BRINP3: variants seen among roughly 807,000 people sequenced by gnomAD.
The protein encoded by BRINP3 is BMP/retinoic acid-inducible neural-specific protein 3.
A neutral mutation model predicts 71.0 loss-of-function variants in BRINP3; 19 were observed. The ratio of observed to expected loss-of-function variants is 0.27; its 90% CI spans 0.19 to 0.39. The LOEUF is 0.39. BRINP3 is among the 10% of genes least tolerant of loss of function. The pLI is 1.00. For missense variants in BRINP3, 959 were observed against 940.8 expected (o/e 1.02, Z -0.25); for synonymous variants, 380 against 337.7 (o/e 1.13, Z -1.37).
chr1:190,380,200 G>A (rs141973134), intron 2 of BRINP3, among the ~76,000 whole-genome samples: 6 of 152,082 alleles, frequency 3.9e-5, no homozygotes, highest in Non-Finnish European at 7.4e-5. Flanking sequence ...TGAGGACGGA[G>A]CAAAATGTAT....
chr1:190,424,353 T>C (rs1246060550), intron 2 of BRINP3, among the ~76,000 whole-genome samples: 1 of 151,538 alleles, frequency 6.6e-6, no homozygotes, highest in Non-Finnish European at 1.5e-5. Context: ...TCTAGGCCCA[T>C]TAAGAGATGT....
intron 6 of BRINP3, among the ~76,000 whole-genome samples, chr1:190,223,848 A>G (rs1657097470): frequency 6.6e-6 from 1 of 151,934 alleles, no homozygotes; most frequent in Non-Finnish European, 1.5e-5. Context: ...AACTACAGAA[A>G]TCAACAAATA....
chr1:190,320,403 T>C (rs1428747761), intron 2 of BRINP3, among the ~76,000 whole-genome samples: 1 of 152,142 alleles, frequency 6.6e-6, no homozygotes, highest in Non-Finnish European at 1.5e-5. Context: ...ACTACACAGT[T>C]CAAAAGCAAA....
intron 1 of BRINP3, among the ~76,000 whole-genome samples, chr1:190,471,414 TTTG>T (rs543294648): frequency 9.0e-4 from 137 of 151,438 alleles, no homozygotes; most frequent in Middle Eastern, 6.8e-3. Flanking sequence ...ACATAGATTA[TTTG>T]TTATTTTGCT....
intron 2 of BRINP3, among the ~76,000 whole-genome samples, chr1:190,385,969 A>G (rs1420459292): frequency 6.7e-5 from 10 of 148,170 alleles, no homozygotes; most frequent in African/African-American, 7.5e-5. Context: ...TTCTCAGTAA[A>G]CTATCGCAAG....
At chr1:190,419,388 T>C (rs1457017762) in intron 2 of BRINP3, among the ~76,000 whole-genome samples, 1 of 152,098 alleles carries the variant, frequency 6.6e-6, no homozygotes, top group East Asian at 1.9e-4. Context: ...ATTTTAAGTT[T>C]AAATTATTGG....
intron 1 of BRINP3, among the ~76,000 whole-genome samples, chr1:190,463,567 T>C (rs1486170331): frequency 6.6e-6 from 1 of 151,446 alleles, no homozygotes; most frequent in Non-Finnish European, 1.5e-5. Flanking sequence ...TATTCAAACA[T>C]AAATAAATAA....
chr1:190,393,537 G>A (rs1671385581), intron 2 of BRINP3, among the ~76,000 whole-genome samples: 1 of 151,476 alleles, frequency 6.6e-6, no homozygotes, highest in South Asian at 2.1e-4. Flanking sequence ...ACGGTGAATG[G>A]AAATCAGCAG....
chr1:190,205,715 C>A lies in BRINP3; in HGVS notation c.961+20367G>T, dbSNP rs972622345. Among the ~76,000 whole-genome samples, 17 of 151,924 alleles carry A rather than the reference C, an allele frequency of 1.1e-4. 1 individual carries two copies. On this transcript the variant is annotated intron_variant, in intron 6 of 7. Coordinates refer to ENST00000367462, the MANE Select transcript of BRINP3 (RefSeq NM_199051.3). The stretch of plus-strand genomic sequence containing the variant: ...CCAGGCCTACACTCAGAAGAAGGTA[C>A]AAGAAAATGATACAAAAGGCCAAGA...
intron 2 of BRINP3, among the ~76,000 whole-genome samples, chr1:190,378,633 T>C (rs1006493692): frequency 6.6e-6 from 1 of 152,226 alleles, no homozygotes; most frequent in Non-Finnish European, 1.5e-5. Flanking sequence ...TTTAAAATCA[T>C]TTTCTCTTTT....
intron 7 of BRINP3, among the ~76,000 whole-genome samples, chr1:190,139,813 T>C (rs930547481): frequency 3.3e-5 from 5 of 152,196 alleles, no homozygotes; most frequent in African/African-American, 7.2e-5. Context: ...TTTCTCATGT[T>C]TGTAGGCCCA....
At chr1:190,420,390 G>C (rs770168372) in intron 2 of BRINP3, among the ~76,000 whole-genome samples, 3 of 151,896 alleles carry the variant, frequency 2.0e-5, no homozygotes, top group Non-Finnish European at 4.4e-5. Context: ...GAAAAGATTT[G>C]GTTCAGGAAG....
chr1:190,120,880 C>G (rs1253141999), intron 7 of BRINP3, among the ~76,000 whole-genome samples: 1 of 151,908 alleles, frequency 6.6e-6, no homozygotes, highest in Non-Finnish European at 1.5e-5. Context: ...TTTAAACATA[C>G]GATTTGAATT....
At chr1:190,105,196 C>T (rs1652047539) in intron 7 of BRINP3, among the ~76,000 whole-genome samples, 1 of 151,996 alleles carries the variant, frequency 6.6e-6, no homozygotes. Flanking sequence ...TCCTGACACA[C>T]AACAGTTTCA....
intron 2 of BRINP3, among the ~76,000 whole-genome samples, chr1:190,299,854 T>C (rs557768871): frequency 1.3e-5 from 2 of 152,072 alleles, no homozygotes; most frequent in African/African-American, 4.8e-5. Context: ...AAAATTCTTT[T>C]CTTTAAGAAT....
chr1:190,447,389 T>C (rs1675295325), intron 2 of BRINP3, among the ~76,000 whole-genome samples: 1 of 147,438 alleles, frequency 6.8e-6, no homozygotes, highest in Non-Finnish European at 1.5e-5. Flanking sequence ...TATTATACAC[T>C]AGAAATAAGA....
At chr1:190,447,877 C>T (rs1675333754) in intron 2 of BRINP3, among the ~76,000 whole-genome samples, 1 of 151,420 alleles carries the variant, frequency 6.6e-6, no homozygotes, top group South Asian at 2.1e-4. Flanking sequence ...TAATATTTTG[C>T]CTGATCATAA....
chr1:190,312,583 T>C (rs1558171838), intron 2 of BRINP3, among the ~76,000 whole-genome samples: 7 of 151,656 alleles, frequency 4.6e-5, no homozygotes, highest in Admixed American at 2.6e-4. Context: ...CCTTAAGATG[T>C]GTTATCAATA....
intron 7 of BRINP3, among the ~76,000 whole-genome samples, chr1:190,128,763 T>C (rs1028750075): frequency 3.3e-5 from 5 of 151,812 alleles, no homozygotes; most frequent in Non-Finnish European, 5.9e-5. Context: ...AAGAGAAAGA[T>C]TAAATCATGC....
Sources: gnomAD v4.1 joint callset for allele counts (sites outside exome capture counted in the v4.1 genomes callset) on GRCh38, gnomAD v4.1.1 for gene constraint, MANE v1.5 for transcripts, NCBI Gene and HGNC (gene_info 2026-07-23, HGNC 2026-07-21) for gene names.